Variants in OLFM2 observed in about 807,000 individuals in gnomAD.
OLFM2 encodes the protein olfactomedin 2, also known as noelin-2.
OLFM2 carries 20 observed loss-of-function variants against 43.9 expected under a neutral mutation model. That is an observed-to-expected ratio of 0.46 (90% CI 0.32 to 0.66). The LOEUF (loss-of-function observed/expected upper bound fraction) is 0.66, where lower values mean the gene tolerates loss of function less well. Ranked by LOEUF, OLFM2 falls within the 30% of genes least tolerant of loss-of-function variation. The pLI, the probability that OLFM2 is intolerant of heterozygous loss-of-function variation, is 0.04. For missense variants in OLFM2, 416 were observed against 643.6 expected (o/e 0.65, Z 3.83); for synonymous variants, 268 against 278.6 (o/e 0.96, Z 0.38).
intron 1 of OLFM2, among the ~76,000 whole-genome samples, chr19:9,934,765 C>G (rs1402343987): frequency 6.6e-6 from 1 of 152,106 alleles, no homozygotes; most frequent in East Asian, 1.9e-4. Context: ...TGCTGAGATG[C>G]GTGGGGAAAT....
At chr19:9,936,202 G>T in intron 1 of OLFM2, 102 bp downstream of exon 1, 1 of 1,299,698 alleles carries the variant, frequency 7.7e-7, no homozygotes, top group Non-Finnish European at 1.1e-6. Flanking sequence ...CTGCAGCTGG[G>T]GGGGCTTGTG....
chr19:9,903,327 C>T (rs924824746), intron 1 of OLFM2, among the ~76,000 whole-genome samples: 1 of 151,990 alleles, frequency 6.6e-6, no homozygotes, highest in Admixed American at 6.6e-5. Context: ...CACCCATGGC[C>T]CTCTGTGTGC....
chr19:9,903,731 G>C (rs2046759991), intron 1 of OLFM2, among the ~76,000 whole-genome samples: 1 of 152,190 alleles, frequency 6.6e-6, no homozygotes, highest in African/African-American at 2.4e-5. Flanking sequence ...TGGACTCCTG[G>C]AATAGCCAGA....
At chr19:9,860,003 G>A (rs1325986367) in intron 2 of OLFM2, among the ~76,000 whole-genome samples, 3 of 152,120 alleles carry the variant, frequency 2.0e-5, no homozygotes, top group African/African-American at 4.8e-5. Context: ...TTAGCTGGGC[G>A]TGGTGGCACA....
intron 1 of OLFM2, among the ~76,000 whole-genome samples, chr19:9,909,818 C>G (rs73018064): frequency 6.6e-6 from 1 of 152,238 alleles, no homozygotes; most frequent in African/African-American, 2.4e-5. Context: ...AATGTTTATT[C>G]CAGGCTTGGC....
intron 5 of OLFM2, among the ~76,000 whole-genome samples, chr19:9,855,474 T>C (rs2046309273): frequency 6.6e-6 from 1 of 151,932 alleles, no homozygotes; most frequent in South Asian, 2.1e-4. Context: ...CTCCCGACCT[T>C]GTGATCCACT....
intron 1 of OLFM2, among the ~76,000 whole-genome samples, chr19:9,889,601 G>T (rs2046620216): frequency 6.6e-6 from 1 of 152,202 alleles, no homozygotes; most frequent in South Asian, 2.1e-4. Context: ...CAGCCCGAAT[G>T]TGGACAGAGG....
At chr19:9,925,746 T>C (rs2086448406) in intron 1 of OLFM2, among the ~76,000 whole-genome samples, 1 of 150,754 alleles carries the variant, frequency 6.6e-6, no homozygotes, top group Non-Finnish European at 1.5e-5. Context: ...GCAATGCCAC[T>C]TCTGAATACG....
intron 1 of OLFM2, among the ~76,000 whole-genome samples, chr19:9,875,458 A>C (rs914395546): frequency 1.3e-5 from 2 of 150,082 alleles, no homozygotes; most frequent in Non-Finnish European, 3.0e-5. Flanking sequence ...GCTGGGACTG[A>C]GGTGGCCTTA....
At chr19:9,925,627 G>A (rs2086447893) in intron 1 of OLFM2, among the ~76,000 whole-genome samples, 1 of 151,082 alleles carries the variant, frequency 6.6e-6, no homozygotes, top group Admixed American at 6.6e-5. Flanking sequence ...TAGAGACACG[G>A]TTTCACCATG....
intron 1 of OLFM2, among the ~76,000 whole-genome samples, chr19:9,881,340 T>C (rs2046538335): frequency 6.6e-6 from 1 of 152,180 alleles, no homozygotes; most frequent in South Asian, 2.1e-4. Context: ...CCCTATACAG[T>C]GATGCCCTAT....
intron 1 of OLFM2, among the ~76,000 whole-genome samples, chr19:9,924,241 CA>C (rs978248792): frequency 6.7e-6 from 1 of 148,994 alleles, no homozygotes; most frequent in Admixed American, 6.7e-5. Context: ...CCCGTCTCTA[CA>C]AAAATACAAA....
chr19:9,913,530 C>T, intron 1 of OLFM2: 2 of 1,202,756 alleles, frequency 1.7e-6, no homozygotes, highest in Non-Finnish European at 2.1e-6. Context: ...TTGAGCCCCA[C>T]GAGCGAGGGC....
chr19:9,871,299 G>A (rs2046439997), intron 1 of OLFM2, among the ~76,000 whole-genome samples: 1 of 148,516 alleles, frequency 6.7e-6, no homozygotes, highest in South Asian at 2.1e-4. Flanking sequence ...AATTCCGGGT[G>A]CTGTGGCTCA....
At chr19:9,905,006 G>A (rs1410479750) in intron 1 of OLFM2, among the ~76,000 whole-genome samples, 1 of 151,802 alleles carries the variant, frequency 6.6e-6, no homozygotes, top group African/African-American at 2.4e-5. Flanking sequence ...GTGACAGAGT[G>A]AGACCCTGTC....
chr19:9,857,878 C>G lies in OLFM2; in HGVS notation c.214-17G>C. 4 of 1,613,816 alleles carry G rather than the reference C, an allele frequency of 2.5e-6. No homozygotes were observed. The highest frequency in any genetic ancestry group is 3.4e-6 in the Non-Finnish European group (4 of 1,180,008). ...GTTCTGGACCTAGGAATGGGGACAA[C>G]TGAAGGGACCAGACCTCCTTCCCCA... On this transcript the variant is annotated splice_polypyrimidine_tract_variant and intron_variant, in intron 2 of 5. Coordinates refer to ENST00000264833, the MANE Select transcript of OLFM2 (RefSeq NM_058164.4). The surrounding 1 kb of genome is among the most constrained non-coding windows in gnomAD (Gnocchi z 5.7).
chr19:9,898,539 T>G (rs191617045), intron 1 of OLFM2, among the ~76,000 whole-genome samples: 48 of 152,048 alleles, frequency 3.2e-4, no homozygotes, highest in Admixed American at 8.5e-4. Flanking sequence ...AAAAATTTTT[T>G]TGTGTGTGGA....
At chr19:9,931,060 G>A (rs2086479140) in intron 1 of OLFM2, among the ~76,000 whole-genome samples, 1 of 152,006 alleles carries the variant, frequency 6.6e-6, no homozygotes, top group Admixed American at 6.6e-5. Context: ...TGTCGCTCAA[G>A]CTCCATAATC....
chr19:9,854,159 G>C lies in OLFM2; in HGVS notation c.*27C>G. ...GCCCCCAGCCCCCAGAGGCCCCCCA[G>C]GCAGCAGCCCGAGCCACAGCATTGG... On this transcript the variant is annotated 3_prime_UTR_variant, in exon 6 of 6. Transcript: ENST00000264833. This position sits in a 1 kb window ranked among gnomAD's most constrained non-coding sequence, Gnocchi z 9.5. The C allele has an allele frequency of 6.2e-7, 1 of 1,611,840 alleles. No individual in the cohort carries two copies. The highest frequency in any genetic ancestry group is 8.5e-7 in the Non-Finnish European group (1 of 1,178,158).
Sources: gnomAD v4.1 joint callset for allele counts (sites outside exome capture counted in the v4.1 genomes callset) on GRCh38, gnomAD v4.1.1 for gene constraint, Gnocchi (gnomAD v3.1) non-coding constraint, MANE v1.5 for transcripts, NCBI Gene and HGNC (gene_info 2026-07-23, HGNC 2026-07-21) for gene names.